JMJD1C: variants seen among roughly 807,000 people sequenced by gnomAD.
JMJD1C encodes jumonji domain-containing protein 1C.
A neutral mutation model predicts 245.3 loss-of-function variants in JMJD1C; 31 were observed. The ratio of observed to expected loss-of-function variants is 0.13; its 90% CI spans 0.09 to 0.17. The LOEUF (loss-of-function observed/expected upper bound fraction) is 0.17, where lower values mean the gene tolerates loss of function less well. Among genes scored for constraint, JMJD1C ranks in the 10% least tolerant of loss-of-function variants. The pLI, the probability that JMJD1C is intolerant of heterozygous loss-of-function variation, is 1.00. For missense variants in JMJD1C, 2,691 were observed against 3,000.2 expected, an observed-to-expected ratio of 0.90 and a Z score of 2.41; for synonymous variants, 1,057 against 1,017.4, an observed-to-expected ratio of 1.04 and a Z score of -0.74.
At chr10:63,370,897 T>C (rs531836011) in intron 2 of JMJD1C, among the ~76,000 whole-genome samples, 4 of 152,290 alleles carry the variant, frequency 2.6e-5, no homozygotes, top group South Asian at 2.1e-4. Context: ...TAGGAAATAA[T>C]AGTTGTTTTT....
At chr10:63,379,453 A>G (rs1012114408) in intron 2 of JMJD1C, among the ~76,000 whole-genome samples, 20 of 152,168 alleles carry the variant, frequency 1.3e-4, no homozygotes, top group African/African-American at 4.6e-4. Context: ...TTTCTTAAAT[A>G]AAACTCTTCA....
chr10:63,247,222 AAGG>A (rs1159285155), intron 3 of JMJD1C, among the ~76,000 whole-genome samples: 3 of 151,894 alleles, frequency 2.0e-5, no homozygotes, highest in South Asian at 2.1e-4. Context: ...TGAGGAAAAA[AAGG>A]AGAAGACCCA....
chr10:63,441,716 G>A (rs1951400580), intron 1 of JMJD1C, among the ~76,000 whole-genome samples: 1 of 152,144 alleles, frequency 6.6e-6, no homozygotes, highest in African/African-American at 2.4e-5. Context: ...TCCAACATAT[G>A]GTGGGAGTGA....
At chr10:63,289,571 G>C (rs1858397583) in intron 2 of JMJD1C, among the ~76,000 whole-genome samples, 1 of 152,200 alleles carries the variant, frequency 6.6e-6, no homozygotes, top group South Asian at 2.1e-4. Context: ...TTCATGAATA[G>C]TGACAAGCTC....
chr10:63,401,138 C>T (rs565641055), intron 1 of JMJD1C, among the ~76,000 whole-genome samples: 2 of 152,286 alleles, frequency 1.3e-5, no homozygotes, highest in Non-Finnish European at 2.9e-5. Context: ...GGACTACAGG[C>T]GTGAGCCACT....
At chr10:63,457,208 T>G (rs1337966975) in intron 1 of JMJD1C, among the ~76,000 whole-genome samples, 1 of 152,116 alleles carries the variant, frequency 6.6e-6, no homozygotes, top group African/African-American at 2.4e-5. Context: ...GGAAAGCAGG[T>G]TCCAATTTAA....
At chr10:63,467,529 C>T (rs1953345618), upstream of JMJD1C, among the ~76,000 whole-genome samples, 2 of 152,100 alleles carry the variant, frequency 1.3e-5, no homozygotes, top group Admixed American at 1.3e-4. Flanking sequence ...AACAAACAAA[C>T]AAAAAACCTG....
intron 1 of JMJD1C, among the ~76,000 whole-genome samples, chr10:63,520,748 A>G (rs1228097808): frequency 6.6e-6 from 1 of 152,198 alleles, no homozygotes; most frequent in Non-Finnish European, 1.5e-5. Flanking sequence ...TGCTCTGATG[A>G]AAAGGTGCCC....
chr10:63,387,756 C>T (rs1589645228), intron 1 of JMJD1C, among the ~76,000 whole-genome samples: 1 of 148,288 alleles, frequency 6.7e-6, no homozygotes, highest in Non-Finnish European at 1.5e-5. Flanking sequence ...CTGCCTCAGC[C>T]TCCGGAGTAG....
At chr10:63,483,029 C>G (rs1953877294) in intron 1 of JMJD1C, among the ~76,000 whole-genome samples, 1 of 152,216 alleles carries the variant, frequency 6.6e-6, no homozygotes, top group Non-Finnish European at 1.5e-5. Flanking sequence ...TAACTCTAGT[C>G]TAAATAATTA....
chr10:63,443,153 T>C (rs574883463), intron 1 of JMJD1C, among the ~76,000 whole-genome samples: 85 of 152,270 alleles, frequency 5.6e-4, no homozygotes, highest in Admixed American at 2.9e-3. Context: ...ACTAGATTAT[T>C]ATTATAAAGG....
intron 2 of JMJD1C, among the ~76,000 whole-genome samples, chr10:63,303,121 A>T (rs1021312680): frequency 5.3e-5 from 8 of 152,186 alleles, no homozygotes; most frequent in Admixed American, 3.3e-4. Context: ...TTCACTAAGC[A>T]TGTTTTAATA....
At chr10:63,276,942 T>C (rs1377102850) in intron 2 of JMJD1C, among the ~76,000 whole-genome samples, 2 of 123,278 alleles carry the variant, frequency 1.6e-5, no homozygotes, top group Admixed American at 9.9e-5. Flanking sequence ...TGGAGTGCAG[T>C]GGCAAGATCT....
intron 1 of JMJD1C, among the ~76,000 whole-genome samples, chr10:63,499,315 A>G (rs1449496912): frequency 6.6e-6 from 1 of 152,240 alleles, no homozygotes; most frequent in Admixed American, 6.5e-5. Flanking sequence ...TAGCAGCTGC[A>G]CCATTTTGCA....
At chr10:63,498,187 A>G (rs374204496) in intron 1 of JMJD1C, among the ~76,000 whole-genome samples, 81 of 152,302 alleles carry the variant, frequency 5.3e-4, no homozygotes, top group African/African-American at 1.9e-3. Flanking sequence ...TAATGAAAAC[A>G]AAGAATGGAG....
intron 1 of JMJD1C, among the ~76,000 whole-genome samples, chr10:63,412,732 G>A (rs1949560931): frequency 6.6e-6 from 1 of 151,858 alleles, no homozygotes; most frequent in Non-Finnish European, 1.5e-5. Context: ...TATATTTTAT[G>A]GTAGCAAATG....
At chr10:63,434,150 C>T (rs903434771) in intron 1 of JMJD1C, among the ~76,000 whole-genome samples, 3 of 151,936 alleles carry the variant, frequency 2.0e-5, no homozygotes, top group African/African-American at 7.3e-5. Context: ...TATTGGGTAC[C>T]CAACATGTAC....
intron 1 of JMJD1C, among the ~76,000 whole-genome samples, chr10:63,454,889 T>C (rs1326764309): frequency 6.6e-6 from 1 of 152,202 alleles, no homozygotes; most frequent in African/African-American, 2.4e-5. Flanking sequence ...GCTGTCAGAA[T>C]CTAGAAGCTT....
intron 1 of JMJD1C, among the ~76,000 whole-genome samples, chr10:63,504,230 T>A (rs1012072763): frequency 6.6e-6 from 1 of 152,116 alleles, no homozygotes; most frequent in Non-Finnish European, 1.5e-5. Flanking sequence ...ACTACTACAA[T>A]AAAACAGGGC....
Sources: gnomAD v4.1 joint callset for allele counts (sites outside exome capture counted in the v4.1 genomes callset) on GRCh38, gnomAD v4.1.1 for gene constraint, MANE v1.5 for transcripts, NCBI Gene and HGNC (gene_info 2026-07-23, HGNC 2026-07-21) for gene names.